The following XRN2 variants were observed in gnomAD, a reference collection of about 807,000 sequenced individuals.
XRN2 encodes DHM1-like protein.
A neutral mutation model predicts 138.5 loss-of-function variants in XRN2; 44 were observed. That is an observed-to-expected ratio of 0.32 (90% CI 0.25 to 0.41). The LOEUF (loss-of-function observed/expected upper bound fraction) is 0.41, where lower values mean the gene tolerates loss of function less well. Among genes scored for constraint, XRN2 ranks in the 10% least tolerant of loss-of-function variants. XRN2 has a pLI of 1.00. For synonymous variants in XRN2, 354 were observed against 369.4 expected (o/e 0.96, Z 0.48); for missense variants, 937 against 1,169.3 (o/e 0.80, Z 2.90).
chr20:21,339,505 C>T (rs1303340515), intron 14 of XRN2, among the ~76,000 whole-genome samples: 1 of 152,238 alleles, frequency 6.6e-6, no homozygotes, highest in African/African-American at 2.4e-5. Context: ...TTAATCCCCT[C>T]AGAATCCAAT....
intron 21 of XRN2, among the ~76,000 whole-genome samples, chr20:21,355,356 G>A (rs987967755): frequency 1.3e-5 from 2 of 152,078 alleles, no homozygotes; most frequent in Non-Finnish European, 2.9e-5. Flanking sequence ...ACAGTAAAAA[G>A]TATTCATATT....
At chr20:21,355,464 A>G (rs1251908564) in intron 21 of XRN2, among the ~76,000 whole-genome samples, 2 of 152,186 alleles carry the variant, frequency 1.3e-5, no homozygotes, top group Admixed American at 6.5e-5. Flanking sequence ...TTTTAGAACA[A>G]TCTTTTCATC....
At chr20:21,345,279 A>G (rs139149899) in intron 16 of XRN2, among the ~76,000 whole-genome samples, 3 of 152,322 alleles carry the variant, frequency 2.0e-5, no homozygotes, top group African/African-American at 7.2e-5. Flanking sequence ...GTTTAATCCT[A>G]GAGGAAATCA....
At position 21,348,388 on chromosome 20, in the gene XRN2, T is replaced by C; in HGVS notation, c.1821T>C (p.Gly607=). 1 of 1,614,176 alleles carries C rather than the reference T, an allele frequency of 6.2e-7. No individual in the cohort carries two copies. Among genetic ancestry groups the C allele is most frequent in the Middle Eastern group, 1.7e-4 (1 of 6,060 alleles). The part of the protein sequence containing the change: ...QLMGVFPAAS[G]NFLPPSWRKL... ...TGGGGGTATTTCCAGCTGCAAGTGG[T>C]AATTTTCTACCTCCATCATGGCGGA... The change falls in exon 19 of 30, where the codon GGT becomes GGC. Residue 607 remains glycine, a synonymous_variant. Coordinates refer to ENST00000377191, the MANE Select transcript of XRN2 (RefSeq NM_012255.5).
intron 24 of XRN2, among the ~76,000 whole-genome samples, chr20:21,362,053 C>T (rs2038642501): frequency 1.3e-5 from 2 of 152,058 alleles, no homozygotes; most frequent in South Asian, 2.1e-4. Flanking sequence ...TTTAGATACT[C>T]CTTTTCTATC....
rs557080743 is a variant in XRN2, at chr20:21,315,192, T to C, written c.76-11087T>C. Among the ~76,000 whole-genome samples the C allele has an allele frequency of 5.9e-5, 9 of 152,290 alleles. No individual in the cohort carries two copies. In the South Asian group the frequency reaches 1.9e-3, roughly 32 times the overall value. ...GAGGGACAGGAGCAAGGCTGGACAT[T>C]TTCAGGCAGTTCTTCCCTATTTCAG... is the stretch of plus-strand genomic sequence containing the variant. On this transcript the variant is annotated intron_variant, in intron 1 of 29. Coordinates refer to ENST00000377191, the MANE Select transcript of XRN2 (RefSeq NM_012255.5).
chr20:21,331,841 G>T (rs1425722307), intron 8 of XRN2, 23 bp downstream of exon 8: 2 of 1,610,422 alleles, frequency 1.2e-6, no homozygotes, highest in Non-Finnish European at 1.7e-6. Flanking sequence ...TTTGGGATTT[G>T]CTTCTTTTGG....
Position 21,382,177 on chromosome 20 carries a change from A to C in XRN2, c.2648+120A>C, listed in dbSNP as rs949684955. ...AATGTACTTTTTCCCACCAAAAACA[A>C]TTTCCCTTGTGCCTATCCTTTAAGA... On this transcript the variant is annotated intron_variant, in intron 28 of 29. Transcript: ENST00000377191. 7.0e-6 allele frequency: 5 copies of C among 717,610 alleles called. No homozygotes were observed. The African/African-American group carries it at 9.1e-5, about 13-fold the overall frequency. The allele number at this position is 717,610 out of a possible 1,614,324, so 44.5% of individuals were successfully genotyped here.
chr20:21,335,776 T>C (rs1177595025), intron 13 of XRN2, among the ~76,000 whole-genome samples: 2 of 152,208 alleles, frequency 1.3e-5, no homozygotes, highest in African/African-American at 4.8e-5. Context: ...CTCTGCACCT[T>C]GAGTTGGCAT....
At chr20:21,311,836 C>CA (rs1014811417) in intron 1 of XRN2, among the ~76,000 whole-genome samples, 10 of 150,634 alleles carry the variant, frequency 6.6e-5, no homozygotes, top group South Asian at 2.1e-4. Flanking sequence ...AAAAAAGTAA[C>CA]AAAAAAAAAT....
chr20:21,376,171 G>T (rs1284968526), intron 27 of XRN2, among the ~76,000 whole-genome samples: 2 of 152,076 alleles, frequency 1.3e-5, no homozygotes, highest in African/African-American at 2.4e-5. Flanking sequence ...TCTTGGCCGG[G>T]TGCAGTGGCT....
chr20:21,340,081 A>G (rs2038351663), intron 14 of XRN2, among the ~76,000 whole-genome samples: 1 of 152,206 alleles, frequency 6.6e-6, no homozygotes, highest in Non-Finnish European at 1.5e-5. Context: ...TATCTAATTA[A>G]TTGGAAATAA....
chr20:21,382,728 C>T (rs1254063678), intron 28 of XRN2, among the ~76,000 whole-genome samples: 11 of 152,138 alleles, frequency 7.2e-5, no homozygotes, highest in Non-Finnish European at 1.2e-4. Context: ...ACATGTATTC[C>T]TTCATTGATA....
intron 1 of XRN2, 94 bp downstream of exon 1, chr20:21,303,567 C>A (rs2037769024): frequency 4.3e-6 from 6 of 1,409,936 alleles, no homozygotes; most frequent in Non-Finnish European, 4.6e-6. Context: ...CCCCGGGGAG[C>A]CTTGCCGGAG....
chr20:21,316,403 A>G (rs1271785396), intron 1 of XRN2, among the ~76,000 whole-genome samples: 1 of 152,202 alleles, frequency 6.6e-6, no homozygotes, highest in Non-Finnish European at 1.5e-5. Context: ...GTTTTTCGGA[A>G]GAGTTTTATA....
In XRN2 at chr20:21,303,368, G is replaced by C. The variant is rs1051520233; in HGVS notation, c.-31G>C. 3 of 1,541,494 alleles carry C rather than the reference G, an allele frequency of 1.9e-6. No individual in the cohort carries two copies. Among genetic ancestry groups the C allele is most frequent in the East Asian group, 2.5e-5 (1 of 39,256 alleles). On this transcript the variant is annotated 5_prime_UTR_variant, in exon 1 of 30. Transcript: ENST00000377191. ...GTCTCTTTGGTTACGCTCGTCAGCC[G>C]GTCGGCCGCCGCCTCCAGCCGTGTG...
intron 1 of XRN2, among the ~76,000 whole-genome samples, chr20:21,324,977 C>T (rs2038104036): frequency 6.6e-6 from 1 of 152,166 alleles, no homozygotes; most frequent in African/African-American, 2.4e-5. Flanking sequence ...TACCCATCTC[C>T]CTCCCCTGTC....
rs769291735 is a variant in XRN2 at position 21,331,857 on chromosome 20, A to G, written c.700+39A>G. On this transcript the variant is annotated intron_variant, in intron 8 of 29. Coordinates refer to ENST00000377191, the MANE Select transcript of XRN2 (RefSeq NM_012255.5). ...TTGGGATTTGCTTCTTTTGGATTAA[A>G]CCATAGCAAGTTGATGGGTTGGTGT... 3 of 1,604,036 alleles carry G rather than the reference A, an allele frequency of 1.9e-6. No homozygotes were observed. In the East Asian group the frequency reaches 6.7e-5, roughly 36 times the overall value.
intron 1 of XRN2, among the ~76,000 whole-genome samples, chr20:21,316,126 C>T (rs922904696): frequency 6.6e-6 from 1 of 151,960 alleles, no homozygotes; most frequent in Non-Finnish European, 1.5e-5. Flanking sequence ...TGGTGGTGGG[C>T]GCCTGTAATC....
Sources: allele counts gnomAD v4.1 joint callset (sites outside exome capture counted in the v4.1 genomes callset), GRCh38; gene constraint gnomAD v4.1.1; transcripts MANE v1.5; gene names NCBI Gene and HGNC (gene_info 2026-07-23, HGNC 2026-07-21).